The following ROBO1 variants were observed in gnomAD, a reference collection of about 807,000 sequenced individuals.
The protein encoded by ROBO1 is roundabout homolog 1.
In ROBO1, 149 loss-of-function variants were observed where a neutral mutation model predicts 195.9. The observed-to-expected ratio is 0.76, with a 90% CI of 0.67 to 0.87. The LOEUF is 0.87. Ranked by LOEUF, ROBO1 falls within the 40% of genes least tolerant of loss-of-function variation. The probability of loss-of-function intolerance (pLI) is 0.00; values close to 1 mark genes in which losing one functional copy is unlikely to be tolerated. For missense variants in ROBO1, 1,933 were observed against 2,068.3 expected, an observed-to-expected ratio of 0.93 and a Z score of 1.27; for synonymous variants, 816 against 733.2, an observed-to-expected ratio of 1.11 and a Z score of -1.82.
At chr3:79,499,293 C>A (rs1296520598) in intron 2 of ROBO1, among the ~76,000 whole-genome samples, 3 of 152,118 alleles carry the variant, frequency 2.0e-5, no homozygotes, top group Non-Finnish European at 4.4e-5. Flanking sequence ...CCGCGCCCGG[C>A]CCAAAACCAG....
chr3:79,167,295 G>T (rs947981374), intron 2 of ROBO1, among the ~76,000 whole-genome samples: 3 of 151,750 alleles, frequency 2.0e-5, no homozygotes, highest in African/African-American at 7.3e-5. Flanking sequence ...ATTTTTGTTT[G>T]CTTGTGCCAA....
At chr3:79,133,734 CG>C (rs1208278897) in intron 2 of ROBO1, among the ~76,000 whole-genome samples, 2 of 119,942 alleles carry the variant, frequency 1.7e-5, no homozygotes, top group African/African-American at 6.6e-5. Context: ...TGAGGAACTG[CG>C]TTCCTTTGGA....
At chr3:79,496,014 A>T (rs1251402613) in intron 2 of ROBO1, among the ~76,000 whole-genome samples, 1 of 151,976 alleles carries the variant, frequency 6.6e-6, no homozygotes, top group Non-Finnish European at 1.5e-5. Context: ...GGAGTTGGAG[A>T]CCAGCCTGGC....
At chr3:79,109,698 C>T (rs558493643) in intron 3 of ROBO1, among the ~76,000 whole-genome samples, 2 of 152,022 alleles carry the variant, frequency 1.3e-5, no homozygotes, top group Admixed American at 6.6e-5. Context: ...TAGAACTAAC[C>T]GAATAGCACT....
intron 1 of ROBO1, among the ~76,000 whole-genome samples, chr3:79,711,931 G>C (rs531056868): frequency 7.1e-5 from 10 of 141,738 alleles, no homozygotes; most frequent in Admixed American, 1.4e-4. Context: ...GGGCGGGTGG[G>C]TGGGGGAGCA....
At chr3:79,550,197 A>AAAGAAAGAAAG (rs142251104) in intron 2 of ROBO1, among the ~76,000 whole-genome samples, 3 of 19,328 alleles carry the variant, frequency 1.6e-4, no homozygotes, top group African/African-American at 4.3e-4. Context: ...GAAAGAAAGG[A>AAAGAAAGAAAG]AAAGAAAAGA....
chr3:79,719,624 G>C (rs12492066), intron 1 of ROBO1, among the ~76,000 whole-genome samples: 43,041 of 151,910 alleles, frequency 0.28, 7,645 homozygotes, highest in East Asian at 0.57. Flanking sequence ...GGAATATAGA[G>C]ACTATGTAAT....
intron 2 of ROBO1, among the ~76,000 whole-genome samples, chr3:79,587,246 G>A (rs1372179490): frequency 1.3e-5 from 2 of 151,568 alleles, no homozygotes; most frequent in African/African-American, 4.8e-5. Flanking sequence ...AAATTGAGCT[G>A]GGCAATCCAT....
rs530734723 is a variant in ROBO1, at chr3:79,501,140, A to C, written c.88+88684T>G. On this transcript the variant is annotated intron_variant, in intron 2 of 30. Coordinates refer to ENST00000464233, the MANE Select transcript of ROBO1 (RefSeq NM_002941.4). ...TTTATAAGTCATTTTTTATTGGAAA[A>C]CTATCACACTCATTTGTTTATCTAT... Among the ~76,000 whole-genome samples, 12 of 152,164 alleles carry C rather than the reference A, an allele frequency of 7.9e-5. No homozygotes were observed. In the South Asian group the frequency reaches 2.5e-3, roughly 32 times the overall value.
intron 4 of ROBO1, among the ~76,000 whole-genome samples, chr3:78,844,476 A>C (rs1439059950): frequency 1.3e-5 from 2 of 152,128 alleles, no homozygotes; most frequent in African/African-American, 4.8e-5. Context: ...AACAAACAAA[A>C]GGTCAAAGGA....
chr3:79,226,826 C>T (rs933034658), intron 2 of ROBO1, among the ~76,000 whole-genome samples: 58 of 152,210 alleles, frequency 3.8e-4, no homozygotes, highest in African/African-American at 1.3e-3. Flanking sequence ...GGATTACAGG[C>T]ATGAGCCACT....
chr3:78,706,920 A>G (rs1044402341), intron 8 of ROBO1, among the ~76,000 whole-genome samples: 5 of 152,162 alleles, frequency 3.3e-5, no homozygotes, highest in African/African-American at 1.2e-4. Context: ...TGCAGGCTGC[A>G]TTGCCAACAA....
intron 22 of ROBO1, among the ~76,000 whole-genome samples, chr3:78,636,938 TATATATATATATA>T (rs1559677895): frequency 2.1e-4 from 9 of 43,786 alleles, no homozygotes; most frequent in African/African-American, 7.5e-4. Context: ...ATTCATTTTA[TATATATATATATA>T]TATATATATA....
At chr3:78,877,615 G>A (rs905789670) in intron 4 of ROBO1, among the ~76,000 whole-genome samples, 1 of 152,126 alleles carries the variant, frequency 6.6e-6, no homozygotes, top group Non-Finnish European at 1.5e-5. Context: ...AAAGTAATGT[G>A]AGCATTATTG....
intron 3 of ROBO1, among the ~76,000 whole-genome samples, chr3:78,993,983 C>A (rs1404633018): frequency 6.6e-6 from 1 of 151,004 alleles, no homozygotes. Flanking sequence ...TTACTAGATA[C>A]CAGCTTTAAA....
At chr3:79,661,136 T>G (rs909178823) in intron 1 of ROBO1, among the ~76,000 whole-genome samples, 2 of 152,042 alleles carry the variant, frequency 1.3e-5, no homozygotes, top group Non-Finnish European at 2.9e-5. Flanking sequence ...TTATCCTACC[T>G]TCCTGGAATG....
rs541116208 is a variant in ROBO1, at chr3:78,771,345, G to T, written c.500-24445C>A. Reference sequence around the variant, plus strand: ...CAGGTAATATGATGCCTCCAGCTTTGCTCCTTTTGCTTAGCATTGCTTTGG... The same window carrying T: ...CAGGTAATATGATGCCTCCAGCTTTTCTCCTTTTGCTTAGCATTGCTTTGG... On this transcript the variant is annotated intron_variant, in intron 4 of 30. Coordinates refer to ENST00000464233, the MANE Select transcript of ROBO1 (RefSeq NM_002941.4). Among the ~76,000 whole-genome samples the T allele has an allele frequency of 2.0e-5, 3 of 152,130 alleles. No individual in the cohort carries two copies. In the South Asian group the frequency reaches 6.2e-4, roughly 32 times the overall value.
At chr3:79,384,827 A>G (rs2036684171) in intron 2 of ROBO1, among the ~76,000 whole-genome samples, 1 of 152,084 alleles carries the variant, frequency 6.6e-6, no homozygotes, top group Non-Finnish European at 1.5e-5. Flanking sequence ...CTGTTAAACT[A>G]AGAATACTTT....
chr3:78,718,777 A>T (rs889399332), intron 5 of ROBO1, among the ~76,000 whole-genome samples: 1 of 121,668 alleles, frequency 8.2e-6, no homozygotes, highest in African/African-American at 2.7e-5. Context: ...CAACCAGATA[A>T]AGGAAGAAGG....
Sources: allele counts gnomAD v4.1 joint callset (sites outside exome capture counted in the v4.1 genomes callset), GRCh38; gene constraint gnomAD v4.1.1; transcripts MANE v1.5; gene names NCBI Gene and HGNC (gene_info 2026-07-23, HGNC 2026-07-21).